The following BIRC6 variants were observed in gnomAD, a reference collection of about 807,000 sequenced individuals.
The protein encoded by BIRC6 is dual E2 ubiquitin-conjugating enzyme/E3 ubiquitin-protein ligase BIRC6.
A neutral mutation model predicts 503.3 loss-of-function variants in BIRC6; 98 were observed. The observed-to-expected ratio is 0.19, with a 90% CI of 0.17 to 0.23. The LOEUF (loss-of-function observed/expected upper bound fraction) is 0.23, where lower values mean the gene tolerates loss of function less well. Among genes scored for constraint, BIRC6 ranks in the 10% least tolerant of loss-of-function variants. The pLI, the probability that BIRC6 is intolerant of heterozygous loss-of-function variation, is 1.00. For missense variants in BIRC6, 5,360 were observed against 5,806.0 expected, an observed-to-expected ratio of 0.92 and a Z score of 2.50; for synonymous variants, 2,240 against 2,078.7, an observed-to-expected ratio of 1.08 and a Z score of -2.11.
rs1431257721 is a variant in BIRC6 at position 32,408,286 on chromosome 2, TG to T, written c.1477+1730del. ...CCCGGCCAGACCTGGCTCTTTCTTTTGTTTTTTTGAGACGGAGTGTCCCTCT... is the reference window on the plus strand; with the variant it reads ...CCCGGCCAGACCTGGCTCTTTCTTTTTTTTTTTGAGACGGAGTGTCCCTCT... On this transcript the variant is annotated intron_variant, in intron 9 of 73. Coordinates refer to ENST00000421745, the MANE Select transcript of BIRC6 (RefSeq NM_016252.4). Among the ~76,000 whole-genome samples the T allele has an allele frequency of 2.6e-5, 4 of 151,786 alleles. No homozygotes were observed. In the South Asian group the frequency reaches 6.2e-4, roughly 24 times the overall value.
At chr2:32,429,799 G>A (rs752892477) in intron 11 of BIRC6, among the ~76,000 whole-genome samples, 24 of 152,116 alleles carry the variant, frequency 1.6e-4, no homozygotes, top group Non-Finnish European at 2.8e-4. Context: ...TATTTGCCTT[G>A]TAGACTTTTA....
intron 65 of BIRC6, chr2:32,566,167 T>G (rs1182594056): frequency 2.0e-5 from 3 of 152,220 alleles, no homozygotes; most frequent in African/African-American, 7.2e-5. Flanking sequence ...ATTATAGTAC[T>G]TGCGAATTTG....
intron 22 of BIRC6, among the ~76,000 whole-genome samples, chr2:32,451,146 T>C (rs971878209): frequency 2.0e-5 from 3 of 152,358 alleles, no homozygotes; most frequent in East Asian, 3.9e-4. Context: ...CCACATTGCA[T>C]TGAGTATGAT....
At chr2:32,379,932 TGTA>T (rs767561699) in intron 2 of BIRC6, among the ~76,000 whole-genome samples, 42 of 152,082 alleles carry the variant, frequency 2.8e-4, no homozygotes, top group Non-Finnish European at 5.6e-4. Flanking sequence ...AACTTTACCA[TGTA>T]GTATTTCTAC....
chr2:32,492,436 G>C (rs902608937), intron 44 of BIRC6, among the ~76,000 whole-genome samples: 2 of 152,080 alleles, frequency 1.3e-5, no homozygotes, highest in African/African-American at 4.8e-5. Flanking sequence ...CTAACTTACA[G>C]TTAGATTGGG....
intron 3 of BIRC6, among the ~76,000 whole-genome samples, chr2:32,384,347 G>GA (rs2038132686): frequency 6.6e-6 from 1 of 151,900 alleles, no homozygotes; most frequent in African/African-American, 2.4e-5. Context: ...GCTTCATCAG[G>GA]ATGATACACA....
chr2:32,399,720 T>C (rs1421754202), intron 6 of BIRC6, among the ~76,000 whole-genome samples: 2 of 152,218 alleles, frequency 1.3e-5, no homozygotes, highest in Non-Finnish European at 2.9e-5. Context: ...GAGATAATTC[T>C]TAAAGTCATT....
At position 32,610,440 on chromosome 2, in the gene BIRC6, TA is replaced by T. The variant is rs775254885; in HGVS notation, c.14260-1004del. On this transcript the variant is annotated intron_variant, in intron 72 of 73. Coordinates refer to ENST00000421745, the MANE Select transcript of BIRC6 (RefSeq NM_016252.4). Reference sequence around the variant, plus strand: ...AATAAGGAAATTTAACTTCCTAAAATAAAATCCCATCTATAAATTAAACAGA... The same window carrying T: ...AATAAGGAAATTTAACTTCCTAAAATAAATCCCATCTATAAATTAAACAGA... Among the ~76,000 whole-genome samples, 39 of 152,206 alleles carry T rather than the reference TA, an allele frequency of 2.6e-4. 1 individual carries two copies. The highest frequency in any genetic ancestry group is 8.5e-4 in the Admixed American group (13 of 15,274).
intron 23 of BIRC6, among the ~76,000 whole-genome samples, chr2:32,461,131 C>T (rs1331497902): frequency 5.9e-3 from 7 of 1,190 alleles, no homozygotes; most frequent in Non-Finnish European, 0.016. Context: ...TCCTCTCCTC[C>T]CCTCCCCTCC....
intron 46 of BIRC6, among the ~76,000 whole-genome samples, chr2:32,500,969 C>T (rs1209119778): frequency 6.6e-6 from 1 of 151,778 alleles, no homozygotes; most frequent in African/African-American, 2.4e-5. Context: ...ACTCTTATTT[C>T]ACATCATTTT....
At chr2:32,414,675 A>G in intron 9 of BIRC6, 94 bp from the exon 10 acceptor site, 1 of 948,426 alleles carries the variant, frequency 1.1e-6, no homozygotes, top group Non-Finnish European at 1.4e-6. Context: ...TCAAAAATAA[A>G]TAAATAAATA....
chr2:32,492,370 A>G (rs1428562964), intron 44 of BIRC6, among the ~76,000 whole-genome samples: 2 of 152,068 alleles, frequency 1.3e-5, no homozygotes, highest in Non-Finnish European at 2.9e-5. Context: ...AATATATTTT[A>G]ATTTTACAGA....
rs181730681 is a variant in BIRC6, at chr2:32,535,446, G to C, written c.12291+3895G>C. Among the ~76,000 whole-genome samples the C allele has an allele frequency of 8.9e-3, 1,346 of 152,082 alleles. 10 individuals are homozygous for C. The highest frequency in any genetic ancestry group is 0.02 in the Middle Eastern group (6 of 294). On this transcript the variant is annotated intron_variant, in intron 61 of 73. Transcript: ENST00000421745. Reference sequence around the variant, plus strand: ...TTAGGTATGTCTCCTAATGCTATCCGTCTCCCCTCCTCCCACCCCACAACA... The same window carrying C: ...TTAGGTATGTCTCCTAATGCTATCCCTCTCCCCTCCTCCCACCCCACAACA...
chr2:32,422,019 T>C (rs534064413), intron 10 of BIRC6, among the ~76,000 whole-genome samples: 1 of 152,360 alleles, frequency 6.6e-6, no homozygotes, highest in African/African-American at 2.4e-5. Flanking sequence ...GTTTCATAAT[T>C]GTTACATCGT....
At chr2:32,395,831 C>T (rs2039814997) in intron 6 of BIRC6, among the ~76,000 whole-genome samples, 1 of 152,160 alleles carries the variant, frequency 6.6e-6, no homozygotes. Flanking sequence ...TAGAACCACG[C>T]TCTAACGAAA....
At chr2:32,559,650 G>A (rs1210121243) in intron 65 of BIRC6, among the ~76,000 whole-genome samples, 2 of 151,310 alleles carry the variant, frequency 1.3e-5, no homozygotes, top group South Asian at 2.1e-4. Context: ...TGTCTTAAAA[G>A]GAGAGCATAA....
Position 32,507,980 on chromosome 2 carries a change from C to T in BIRC6, c.9701C>T (p.Thr3234Ile), listed in dbSNP as rs755489253. Residue 3234 changes from threonine (T) to isoleucine (I), a missense_variant and splice_region_variant, in exon 51 of 74, where the codon ACC becomes ATC. Thr to Ile is a moderately conservative substitution (Grantham distance 89, BLOSUM62 -1). This residue lies in a region of BIRC6 where 267 missense variants were observed against 287.6 expected (regional missense o/e 0.93). Coordinates refer to ENST00000421745, the MANE Select transcript of BIRC6 (RefSeq NM_016252.4). ...HIQPHLASLA[T>I]CPSSVSVEVS... is the part of the protein sequence containing the mutation. ...ATGATTCAGTTTTCTCTTTTTATAG[C>T]CTGCCCTTCCTCAGTGTCTGTTGAA... is the stretch of plus-strand genomic sequence containing the variant. 1 of 1,610,820 alleles carries T rather than the reference C, an allele frequency of 6.2e-7. No homozygotes were observed. The highest frequency in any genetic ancestry group is 8.5e-7 in the Non-Finnish European group (1 of 1,178,274).
chr2:32,606,616 A>G (rs944631432), intron 71 of BIRC6, among the ~76,000 whole-genome samples: 2 of 152,002 alleles, frequency 1.3e-5, no homozygotes, highest in Admixed American at 1.3e-4. Context: ...AGAATTTCTA[A>G]TAAGGTTTTT....
Position 32,468,472 on chromosome 2 carries a change from T to C in BIRC6, c.5816T>C (p.Leu1939Ser). 6.3e-7 allele frequency: 1 copy of C among 1,593,664 alleles called. No homozygotes were observed. Among genetic ancestry groups the C allele is most frequent in the Middle Eastern group, 1.7e-4 (1 of 5,950 alleles). Residue 1939 changes from leucine to serine, a missense_variant, in exon 29 of 74, where the codon TTG becomes TCG. Coordinates refer to ENST00000421745, the MANE Select transcript of BIRC6 (RefSeq NM_016252.4). ...GCTTGTCATCGTCTGGAAACCCTTT[T>C]GCAAAGTATTGATCTTCCTCCTCTA... Reference protein sequence around the residue: ...NLACHRLETLLQSIDLPPLNS... With the variant: ...NLACHRLETLSQSIDLPPLNS...
Sources: allele counts gnomAD v4.1 joint callset (sites outside exome capture counted in the v4.1 genomes callset), GRCh38; gene constraint gnomAD v4.1.1; regional missense constraint gnomAD v4.1.1; transcripts MANE v1.5; gene names NCBI Gene and HGNC (gene_info 2026-07-23, HGNC 2026-07-21).